Variants in INVS observed in about 807,000 individuals in gnomAD.
INVS encodes inversin, also known as inversion of embryo turning homolog.
A neutral mutation model predicts 108.8 loss-of-function variants in INVS; 86 were observed. That is an observed-to-expected ratio of 0.79 (90% CI 0.66 to 0.95). The LOEUF is 0.95. Ranked by LOEUF, INVS falls within the 40% of genes least tolerant of loss-of-function variation. The probability of loss-of-function intolerance (pLI) is 0.00; values close to 1 mark genes in which losing one functional copy is unlikely to be tolerated. For synonymous variants in INVS, 455 were observed against 473.5 expected (o/e 0.96, Z 0.51); for missense variants, 1,169 against 1,297.4 (o/e 0.90, Z 1.52).
chr9:100,219,535 ACTCAT>A (rs1831082249), intron 3 of INVS, among the ~76,000 whole-genome samples: 1 of 152,166 alleles, frequency 6.6e-6, no homozygotes, highest in Non-Finnish European at 1.5e-5. Flanking sequence ...AGAAACAGGA[ACTCAT>A]ACATTACTGT....
At chr9:100,293,827 T>A (rs761241580) in intron 14 of INVS, among the ~76,000 whole-genome samples, 5 of 152,200 alleles carry the variant, frequency 3.3e-5, no homozygotes, top group Non-Finnish European at 5.9e-5. Flanking sequence ...AATTAGGCCT[T>A]ACAGTGATGA....
chr9:100,138,889 T>G (rs1450653887), intron 3 of INVS, among the ~76,000 whole-genome samples: 4 of 138,926 alleles, frequency 2.9e-5, no homozygotes, highest in African/African-American at 1.3e-4. Flanking sequence ...GTATTTTTAG[T>G]AGAGATGGGT....
At chr9:100,183,212 G>A (rs1299544212) in intron 3 of INVS, among the ~76,000 whole-genome samples, 5 of 151,974 alleles carry the variant, frequency 3.3e-5, no homozygotes, top group Non-Finnish European at 5.9e-5. Flanking sequence ...ACCATGGCAC[G>A]TGTATACCTA....
intron 3 of INVS, among the ~76,000 whole-genome samples, chr9:100,136,314 C>G (rs1828222434): frequency 6.6e-6 from 1 of 152,032 alleles, no homozygotes. Context: ...ATAATCTCTC[C>G]CAGTATAACC....
intron 2 of INVS, chr9:100,120,470 C>T: frequency 1.1e-5 from 2 of 185,892 alleles, no homozygotes; most frequent in South Asian, 1.3e-4. Context: ...CAGAAGGATC[C>T]CATCTATGAT....
chr9:100,171,541 A>C (rs2119040762), intron 3 of INVS, among the ~76,000 whole-genome samples: 1 of 152,294 alleles, frequency 6.6e-6, no homozygotes, highest in Non-Finnish European at 1.5e-5. Context: ...AAACGTGGAG[A>C]GATGATATTG....
chr9:100,236,781 TGAGGTGTCTGCCGACCCCTGCTGG>T (rs1439616144), intron 5 of INVS, among the ~76,000 whole-genome samples: 1 of 152,192 alleles, frequency 6.6e-6, no homozygotes, highest in African/African-American at 2.4e-5. Flanking sequence ...CTCTCCTGTA[TGAGGTGTCTGCCGACCCCTGCTGG>T]GAGGTGTCTC....
Position 100,284,828 on chromosome 9 carries a change from T to C in INVS, c.2068+225T>C, listed in dbSNP as rs188123114. Among the ~76,000 whole-genome samples, 219 of 152,284 alleles carry C rather than the reference T, an allele frequency of 1.4e-3. 1 individual carries two copies. The highest frequency in any genetic ancestry group is 5.2e-3 in the African/African-American group (217 of 41,550). ...TTTAAAAATTCTATCTTGATTGATT[T>C]ATGGTTTTTTGTTTTCTTTTCTTTT... is the stretch of plus-strand genomic sequence containing the variant. On this transcript the variant is annotated intron_variant, in intron 13 of 16. Coordinates refer to ENST00000262457, the MANE Select transcript of INVS (RefSeq NM_014425.5).
chr9:100,190,713 A>G lies in INVS; in HGVS notation c.274-35349A>G, dbSNP rs543747533. Among the ~76,000 whole-genome samples the G allele has an allele frequency of 8.5e-5, 13 of 152,284 alleles. No individual in the cohort carries two copies. The South Asian group carries it at 2.7e-3, about 32-fold the overall frequency. On this transcript the variant is annotated intron_variant, in intron 3 of 16. Coordinates refer to ENST00000262457, the MANE Select transcript of INVS (RefSeq NM_014425.5). ...GACCCTAATCCTTTCTGGCTTGTAA[A>G]GTTTCTGCTGAGAAGGCTGTTGTTG...
chr9:100,170,981 C>T (rs1588058054), intron 3 of INVS, among the ~76,000 whole-genome samples: 2 of 152,104 alleles, frequency 1.3e-5, no homozygotes, highest in African/African-American at 2.4e-5. Flanking sequence ...GCATCTAAGC[C>T]ATCCTGGGGT....
chr9:100,251,039 A>C (rs1351821570), intron 8 of INVS, among the ~76,000 whole-genome samples: 1 of 152,250 alleles, frequency 6.6e-6, no homozygotes, highest in Non-Finnish European at 1.5e-5. Flanking sequence ...CTTAAATGTC[A>C]GCTCATAACC....
intron 3 of INVS, among the ~76,000 whole-genome samples, chr9:100,146,023 G>A (rs545725129): frequency 1.7e-4 from 26 of 152,352 alleles, no homozygotes; most frequent in African/African-American, 5.8e-4. Flanking sequence ...ACCCGAGGTC[G>A]TAGGTGGATC....
intron 3 of INVS, among the ~76,000 whole-genome samples, chr9:100,128,964 C>G (rs1046331805): frequency 6.6e-6 from 1 of 152,068 alleles, no homozygotes; most frequent in African/African-American, 2.4e-5. Context: ...GCAAGAGGCT[C>G]TCTTGAGGCC....
chr9:100,300,540 ATATC>A lies in INVS; in HGVS notation c.3092-22_3092-19del, dbSNP rs1032649304. 3.6e-6 allele frequency: 5 copies of A among 1,386,680 alleles called. No individual in the cohort carries two copies. In the African/African-American group the frequency reaches 7.1e-5, roughly 20 times the overall value. The allele number at this position is 1,386,680 out of a possible 1,614,324, so 85.9% of individuals were successfully genotyped here. On this transcript the variant is annotated intron_variant, in intron 16 of 16. Coordinates refer to ENST00000262457, the MANE Select transcript of INVS (RefSeq NM_014425.5). ...TTCAGCCTTAAAATTAATAACCTTA[ATATC>A]TATCTGGTATTTGTTTTTAACAGTG...
intron 5 of INVS, among the ~76,000 whole-genome samples, chr9:100,238,170 C>T (rs893862197): frequency 2.6e-5 from 4 of 152,046 alleles, no homozygotes; most frequent in Admixed American, 6.6e-5. Flanking sequence ...TGAGCCACCA[C>T]CCCCAGCCAA....
intron 3 of INVS, among the ~76,000 whole-genome samples, chr9:100,168,613 G>A (rs1829440603): frequency 6.6e-6 from 1 of 152,092 alleles, no homozygotes; most frequent in South Asian, 2.1e-4. Flanking sequence ...GAATAGGGAG[G>A]GTGGGCTGTT....
At chr9:100,197,115 C>G (rs746085960) in intron 3 of INVS, among the ~76,000 whole-genome samples, 2 of 152,210 alleles carry the variant, frequency 1.3e-5, no homozygotes, top group African/African-American at 2.4e-5. Context: ...AGTTACAAGT[C>G]AAGGCCCCCT....
chr9:100,294,172 A>G (rs1833716469), intron 14 of INVS, among the ~76,000 whole-genome samples: 1 of 152,192 alleles, frequency 6.6e-6, no homozygotes, highest in Non-Finnish European at 1.5e-5. Context: ...TGTCTCAAGA[A>G]AAGAAATAGG....
At chr9:100,182,415 G>GA (rs60637988) in intron 3 of INVS, among the ~76,000 whole-genome samples, 1 of 151,720 alleles carries the variant, frequency 6.6e-6, no homozygotes, top group Non-Finnish European at 1.5e-5. Flanking sequence ...AAACTTACAA[G>GA]AAAAAAACAA....
Sources: gnomAD v4.1 joint callset for allele counts (sites outside exome capture counted in the v4.1 genomes callset) on GRCh38, gnomAD v4.1.1 for gene constraint, MANE v1.5 for transcripts, NCBI Gene and HGNC (gene_info 2026-07-23, HGNC 2026-07-21) for gene names.